GUCY1A2: variants seen among roughly 807,000 people sequenced by gnomAD.
The protein encoded by GUCY1A2 is guanylate cyclase soluble subunit alpha-2.
GUCY1A2 carries 27 observed loss-of-function variants against 63.5 expected under a neutral mutation model. That is an observed-to-expected ratio of 0.43 (90% CI 0.31 to 0.59). GUCY1A2 has a LOEUF of 0.59. Ranked by LOEUF, GUCY1A2 falls within the 20% of genes least tolerant of loss-of-function variation. The pLI, the probability that GUCY1A2 is intolerant of heterozygous loss-of-function variation, is 0.11. For missense variants in GUCY1A2, 768 were observed against 913.3 expected (o/e 0.84, Z 2.05); for synonymous variants, 364 against 343.5 (o/e 1.06, Z -0.66).
intron 4 of GUCY1A2, among the ~76,000 whole-genome samples, chr11:106,829,544 T>C (rs1293243555): frequency 3.3e-5 from 5 of 152,152 alleles, no homozygotes; most frequent in Admixed American, 6.6e-5. Context: ...ATGGTTAATA[T>C]TGAATGTCAA....
At chr11:106,751,878 A>AT in intron 6 of GUCY1A2, among the ~76,000 whole-genome samples, 1 of 152,270 alleles carries the variant, frequency 6.6e-6, no homozygotes. Flanking sequence ...AATTTTCCAT[A>AT]TTTTGCTGCA....
chr11:106,713,175 C>A (rs4553343), intron 6 of GUCY1A2, among the ~76,000 whole-genome samples: 20,031 of 152,150 alleles, frequency 0.13, 1,417 homozygotes, highest in Middle Eastern at 0.19. Context: ...TCTTATCTCT[C>A]AGGAATCACT....
At chr11:106,926,443 CA>C (rs1312188621) in intron 4 of GUCY1A2, among the ~76,000 whole-genome samples, 20,462 of 83,872 alleles carry the variant, frequency 0.24, 1,426 homozygotes, top group Middle Eastern at 0.36. Context: ...ATCTCTGTCT[CA>C]AAAAAAAAAA....
intron 4 of GUCY1A2, among the ~76,000 whole-genome samples, chr11:106,836,804 T>A (rs1037519687): frequency 1.3e-5 from 2 of 151,978 alleles, no homozygotes; most frequent in African/African-American, 4.8e-5. Flanking sequence ...CAGTATGTAC[T>A]ATAATCTTAT....
Position 106,674,687 on chromosome 11 carries a change from A to G in GUCY1A2, c.*12862T>C, listed in dbSNP as rs963079630. The G allele has an allele frequency of 2.1e-5, 4 of 192,922 alleles. No individual in the cohort carries two copies. Among genetic ancestry groups the G allele is most frequent in the East Asian group, 8.2e-5 (1 of 12,210 alleles). The allele number at this position is 192,922 out of a possible 1,614,324, so 12.0% of individuals were successfully genotyped here. A position where few individuals can be genotyped will look rare whatever the true frequency, so the allele number is the denominator to read the frequency against. Reference sequence around the variant, plus strand: ...TTAAGTTTTTGATAACTCAATTTTTAAAAGATATTATTCACAAAGTAAATC... The same window carrying G: ...TTAAGTTTTTGATAACTCAATTTTTGAAAGATATTATTCACAAAGTAAATC... On this transcript the variant is annotated 3_prime_UTR_variant, in exon 8 of 8. Transcript: ENST00000526355.
intron 4 of GUCY1A2, among the ~76,000 whole-genome samples, chr11:106,917,142 T>C (rs1860379765): frequency 6.9e-6 from 1 of 145,826 alleles, no homozygotes; most frequent in African/African-American, 2.4e-5. Flanking sequence ...ACTGGGCTAC[T>C]TCTATTTCAC....
chr11:106,936,561 G>A (rs1591334179), intron 4 of GUCY1A2: 5 of 664,390 alleles, frequency 7.5e-6, no homozygotes, highest in Non-Finnish European at 1.3e-5. Flanking sequence ...AATATGTGAG[G>A]CATGGATGAT....
intron 6 of GUCY1A2, among the ~76,000 whole-genome samples, chr11:106,763,524 A>G (rs1174680374): frequency 6.6e-6 from 1 of 152,140 alleles, no homozygotes; most frequent in East Asian, 1.9e-4. Flanking sequence ...AACTAAATAT[A>G]TGCTATTACC....
chr11:106,893,280 T>C (rs1859998763), intron 4 of GUCY1A2, among the ~76,000 whole-genome samples: 1 of 152,144 alleles, frequency 6.6e-6, no homozygotes, highest in Non-Finnish European at 1.5e-5. Flanking sequence ...AAGTAGCACA[T>C]ATCTATTTGT....
At chr11:106,797,738 A>T (rs1864792811) in intron 5 of GUCY1A2, among the ~76,000 whole-genome samples, 1 of 152,166 alleles carries the variant, frequency 6.6e-6, no homozygotes, top group African/African-American at 2.4e-5. Context: ...AGACACAACA[A>T]ACCAGCATCT....
intron 4 of GUCY1A2, chr11:106,827,665 G>A (rs548268242): frequency 6.5e-6 from 10 of 1,544,300 alleles, no homozygotes; most frequent in Non-Finnish European, 9.0e-6. Flanking sequence ...TTGGGAAAGC[G>A]TTTTTCTAAC....
chr11:106,788,228 T>C (rs1864599262), intron 5 of GUCY1A2, among the ~76,000 whole-genome samples: 2 of 145,052 alleles, frequency 1.4e-5, no homozygotes, highest in African/African-American at 4.9e-5. Flanking sequence ...TAAAATCAGA[T>C]TATTAGATTT....
chr11:106,794,394 A>G (rs1327395132), intron 5 of GUCY1A2, among the ~76,000 whole-genome samples: 2 of 152,054 alleles, frequency 1.3e-5, no homozygotes, highest in Non-Finnish European at 2.9e-5. Context: ...TTCAGTTATA[A>G]AGACTACATT....
chr11:106,896,055 A>G (rs887240280), intron 4 of GUCY1A2, among the ~76,000 whole-genome samples: 1 of 150,494 alleles, frequency 6.6e-6, no homozygotes, highest in African/African-American at 2.4e-5. Context: ...ATACAGATAT[A>G]TATACACACA....
intron 6 of GUCY1A2, among the ~76,000 whole-genome samples, chr11:106,769,709 C>A (rs11211906): frequency 0.017 from 2,617 of 152,030 alleles, 39 homozygotes; most frequent in Non-Finnish European, 0.023. Flanking sequence ...ATGAAAACTG[C>A]CACTATATGC....
rs200176077 is a variant in GUCY1A2 at position 106,708,533 on chromosome 11, T to G, written c.1970A>C (p.Asn657Thr). Reference sequence around the variant, plus strand: ...TTACTGGTAAGTGGTTGGGCTGACATTGATGCGCCGAGGGTGACTTCCCGA... The same window carrying G: ...TTACTGGTAAGTGGTTGGGCTGACAGTGATGCGCCGAGGGTGACTTCCCGA... ...FESGSHPRRI[N>T]VSPTTYQLLK... Residue 657 changes from asparagine to threonine, a missense_variant, in exon 7 of 8, where the codon AAT becomes ACT. By Grantham distance (65) the Asn-to-Thr change is moderately conservative. Transcript: ENST00000526355. 2.0e-5 allele frequency: 33 copies of G among 1,612,370 alleles called. No homozygotes were observed. Among genetic ancestry groups the G allele is most frequent in the Non-Finnish European group, 2.7e-5 (32 of 1,179,074 alleles).
intron 6 of GUCY1A2, 96 bp from the exon 7 acceptor site, chr11:106,708,762 TAAAA>T (rs771567882): frequency 7.0e-6 from 5 of 719,364 alleles, no homozygotes; most frequent in Non-Finnish European, 1.0e-5. Flanking sequence ...ATAATAATAA[TAAAA>T]AAAAACTATG....
intron 4 of GUCY1A2, among the ~76,000 whole-genome samples, chr11:106,901,890 C>A (rs143294708): frequency 6.6e-6 from 1 of 152,010 alleles, no homozygotes; most frequent in South Asian, 2.1e-4. Context: ...CTATCACTGA[C>A]GGACATTTTG....
At chr11:106,811,211 C>T (rs1397504612) in intron 4 of GUCY1A2, among the ~76,000 whole-genome samples, 1 of 151,868 alleles carries the variant, frequency 6.6e-6, no homozygotes, top group Non-Finnish European at 1.5e-5. Context: ...TTTTCTATGC[C>T]CTTTCACTGG....
Sources: allele counts gnomAD v4.1 joint callset (sites outside exome capture counted in the v4.1 genomes callset), GRCh38; gene constraint gnomAD v4.1.1; transcripts MANE v1.5; gene names NCBI Gene and HGNC (gene_info 2026-07-23, HGNC 2026-07-21).